The following PATJ variants were observed in gnomAD, a reference collection of about 807,000 sequenced individuals.
PATJ encodes the protein PATJ crumbs cell polarity complex component.
A neutral mutation model predicts 224.9 loss-of-function variants in PATJ; 190 were observed. The ratio of observed to expected loss-of-function variants is 0.84; its 90% CI spans 0.75 to 0.95. PATJ has a LOEUF of 0.95. Ranked by LOEUF, PATJ falls within the 40% of genes least tolerant of loss-of-function variation. The pLI is 0.00. For synonymous variants in PATJ, 769 were observed against 820.3 expected, an observed-to-expected ratio of 0.94 and a Z score of 1.07; for missense variants, 2,121 against 2,270.3, an observed-to-expected ratio of 0.93 and a Z score of 1.34.
rs1491555634 is a variant in PATJ, at chr1:61,871,455, G to GTA, written c.2836-3788_2836-3787insTA. ...TATATGTGTATATACACATATATAT[G>GTA]CGTATATATATGTATATACATATAT... On this transcript the variant is annotated intron_variant, in intron 20 of 43. Coordinates refer to ENST00000642238, the MANE Select transcript of PATJ (RefSeq NM_001350145.3). Among the ~76,000 whole-genome samples the GTA allele has an allele frequency of 3.4e-3, 124 of 36,686 alleles. 1 individual carries two copies. Among genetic ancestry groups the GTA allele is most frequent in the African/African-American group, 0.011 (117 of 10,832 alleles). 24.1% of individuals were successfully genotyped at this position (36,686 alleles called of 152,430 possible). A position where few individuals can be genotyped will look rare whatever the true frequency, so the allele number is the denominator to read the frequency against.
intron 14 of PATJ, among the ~76,000 whole-genome samples, chr1:61,814,456 T>C (rs1303220378): frequency 6.6e-6 from 1 of 152,208 alleles, no homozygotes; most frequent in East Asian, 1.9e-4. Flanking sequence ...TTATTCTCTT[T>C]ACGTATTTAG....
intron 31 of PATJ, among the ~76,000 whole-genome samples, chr1:62,069,265 G>A (rs1657001562): frequency 6.6e-6 from 1 of 152,148 alleles, no homozygotes; most frequent in Non-Finnish European, 1.5e-5. Flanking sequence ...GCAGCAAGAT[G>A]TGTCTGAGTT....
chr1:62,049,652 C>T (rs940792993), intron 30 of PATJ, among the ~76,000 whole-genome samples: 4 of 152,174 alleles, frequency 2.6e-5, no homozygotes, highest in Non-Finnish European at 5.9e-5. Context: ...TTTAATATGT[C>T]ACAATTCAAT....
chr1:62,095,923 T>C (rs917786296), intron 33 of PATJ, among the ~76,000 whole-genome samples: 2 of 152,180 alleles, frequency 1.3e-5, no homozygotes, highest in Non-Finnish European at 2.9e-5. Flanking sequence ...TTCATTAACA[T>C]TGAATGCATG....
chr1:61,890,401 C>A (rs1226355461), intron 22 of PATJ, among the ~76,000 whole-genome samples: 1 of 152,156 alleles, frequency 6.6e-6, no homozygotes, highest in African/African-American at 2.4e-5. Flanking sequence ...ATCTCTTGAG[C>A]CCAGCAGTTC....
At chr1:61,815,781 G>A (rs1293198111) in intron 14 of PATJ, among the ~76,000 whole-genome samples, 1 of 152,182 alleles carries the variant, frequency 6.6e-6, no homozygotes, top group East Asian at 1.9e-4. Context: ...GAAAGAGGGA[G>A]GTGAAAGCTA....
intron 27 of PATJ, among the ~76,000 whole-genome samples, chr1:61,979,068 G>A (rs1292298179): frequency 6.6e-6 from 1 of 152,022 alleles, no homozygotes; most frequent in Non-Finnish European, 1.5e-5. Context: ...TTGTCCTGGG[G>A]CTAGACAATC....
intron 17 of PATJ, among the ~76,000 whole-genome samples, chr1:61,838,252 G>A (rs1660504082): frequency 6.6e-6 from 1 of 152,146 alleles, no homozygotes; most frequent in Non-Finnish European, 1.5e-5. Context: ...GCCGTATTAG[G>A]AGATTCACTG....
chr1:61,869,664 G>C (rs1052773589), intron 20 of PATJ, among the ~76,000 whole-genome samples: 1 of 152,216 alleles, frequency 6.6e-6, no homozygotes, highest in African/African-American at 2.4e-5. Context: ...TGTGGGACTT[G>C]TGACAGAGGT....
Position 61,791,341 on chromosome 1 carries a change from C to G in PATJ, c.1069-7C>G. ...CATATATAATTAAATTTGTTTTTTC[C>G]TTTTAGGACAGTTCTCTTTTTGAAA... On this transcript the variant is annotated splice_polypyrimidine_tract_variant and splice_region_variant and intron_variant, in intron 8 of 43. Coordinates refer to ENST00000642238, the MANE Select transcript of PATJ (RefSeq NM_001350145.3). 6.4e-7 allele frequency: 1 copy of G among 1,574,774 alleles called. No homozygotes were observed. The highest frequency in any genetic ancestry group is 8.7e-7 in the Non-Finnish European group (1 of 1,145,908).
chr1:61,971,311 G>C (rs1682938389), intron 27 of PATJ, among the ~76,000 whole-genome samples: 1 of 152,142 alleles, frequency 6.6e-6, no homozygotes, highest in South Asian at 2.1e-4. Context: ...TCTTGCAGAA[G>C]TAAATAAGAT....
intron 43 of PATJ, among the ~76,000 whole-genome samples, chr1:62,159,304 G>C (rs887552670): frequency 1.3e-5 from 2 of 152,092 alleles, no homozygotes; most frequent in Non-Finnish European, 2.9e-5. Flanking sequence ...TGATTCTCCA[G>C]CCTCAGCCTC....
chr1:61,935,155 T>C (rs558787242), intron 27 of PATJ, among the ~76,000 whole-genome samples: 1 of 152,284 alleles, frequency 6.6e-6, no homozygotes, highest in African/African-American at 2.4e-5. Context: ...TTTTGTAACA[T>C]GTAAGAGAGT....
chr1:61,908,316 C>G, intron 24 of PATJ, 56 bp from the exon 25 acceptor site: 1 of 1,151,174 alleles, frequency 8.7e-7, no homozygotes, highest in Non-Finnish European at 1.3e-6. Flanking sequence ...TTTGAATTAA[C>G]CTGTCCACAA....
chr1:61,891,047 A>C (rs1418601816), intron 22 of PATJ, among the ~76,000 whole-genome samples: 4 of 122,710 alleles, frequency 3.3e-5, no homozygotes, highest in South Asian at 3.8e-4. Context: ...GTTGATTAAC[A>C]AAAAAAAAAA....
intron 27 of PATJ, among the ~76,000 whole-genome samples, chr1:61,957,184 AAG>A (rs1407380871): frequency 6.6e-6 from 1 of 152,190 alleles, no homozygotes; most frequent in Non-Finnish European, 1.5e-5. Flanking sequence ...GAATATTCAT[AAG>A]AGAGTGGGCA....
intron 26 of PATJ, chr1:61,918,130 T>C (rs1673719105): frequency 6.6e-6 from 1 of 151,626 alleles, no homozygotes; most frequent in Admixed American, 6.6e-5. Flanking sequence ...TATGAAGCCG[T>C]TGTGGGCCTG....
intron 1 of PATJ, among the ~76,000 whole-genome samples, chr1:61,758,514 A>G (rs1645780234): frequency 6.6e-6 from 1 of 151,564 alleles, no homozygotes; most frequent in Admixed American, 6.6e-5. Context: ...ACGCCCAGCT[A>G]ATTTTTGTAT....
At chr1:61,918,518 C>T (rs983822037) in intron 26 of PATJ, among the ~76,000 whole-genome samples, 38 of 151,734 alleles carry the variant, frequency 2.5e-4, no homozygotes, top group African/African-American at 9.0e-4. Flanking sequence ...ACCGTGTTGC[C>T]CAGGCTGGTC....
Sources: gnomAD v4.1 joint callset for allele counts (sites outside exome capture counted in the v4.1 genomes callset) on GRCh38, gnomAD v4.1.1 for gene constraint, MANE v1.5 for transcripts, NCBI Gene and HGNC (gene_info 2026-07-23, HGNC 2026-07-21) for gene names.